The following FTCDNL1 variants were observed in gnomAD, a reference collection of about 807,000 sequenced individuals.
FTCDNL1 encodes formiminotransferase N-terminal subdomain-containing protein.
In FTCDNL1, 11 loss-of-function variants were observed where a neutral mutation model predicts 5.9. That is an observed-to-expected ratio of 1.87 (90% CI 1.18 to 3.10). The LOEUF (loss-of-function observed/expected upper bound fraction) is 3.10. FTCDNL1 is among the 30% of genes most tolerant of loss of function. The pLI is 0.00. For missense variants in FTCDNL1, 115 were observed against 65.5 expected, an observed-to-expected ratio of 1.76 and a Z score of -2.61; for synonymous variants, 58 against 24.8, an observed-to-expected ratio of 2.34 and a Z score of -3.99.
the FTCDNL1 span, among the ~76,000 whole-genome samples, chr2:199,729,535 A>G: frequency 6.6e-6 from 1 of 152,234 alleles, no homozygotes; most frequent in Non-Finnish European, 1.5e-5. Context: ...TGCAAAAATC[A>G]CAAGCATTTC....
the FTCDNL1 span, among the ~76,000 whole-genome samples, chr2:199,726,310 C>T: frequency 6.6e-6 from 1 of 152,152 alleles, no homozygotes; most frequent in Non-Finnish European, 1.5e-5. Flanking sequence ...TCATTCTTAG[C>T]TTCTTTGCAT....
intron 3 of FTCDNL1, among the ~76,000 whole-genome samples, chr2:199,845,472 G>A (rs146091426): frequency 6.6e-6 from 1 of 152,156 alleles, no homozygotes; most frequent in East Asian, 1.9e-4. Context: ...AAAGGAGGCT[G>A]AAGCATGGGA....
chr2:199,821,274 C>A (rs1414276236), intron 3 of FTCDNL1, among the ~76,000 whole-genome samples: 1 of 150,278 alleles, frequency 6.7e-6, no homozygotes, highest in African/African-American at 2.5e-5. Flanking sequence ...CTCAGCCCAC[C>A]ATGTAGCTTG....
At chr2:199,670,539 C>CTCTTTTTTGTA in the FTCDNL1 span, among the ~76,000 whole-genome samples, 3 of 152,274 alleles carry the variant, frequency 2.0e-5, no homozygotes, top group Non-Finnish European at 4.4e-5. Context: ...AGGTCTTTCT[C>CTCTTTTTTGTA]TCTTTTTTGT....
chr2:199,710,141 T>G, the FTCDNL1 span, among the ~76,000 whole-genome samples: 18,141 of 152,214 alleles, frequency 0.12, 1,469 homozygotes, highest in Middle Eastern at 0.25. Flanking sequence ...GCCTTCTTGT[T>G]TCAGCTCTGA....
At chr2:199,711,994 T>C in the FTCDNL1 span, among the ~76,000 whole-genome samples, 3,523 of 152,230 alleles carry the variant, frequency 0.023, 142 homozygotes, top group African/African-American at 0.079. Context: ...GACAGTAAGA[T>C]GCCCAATGAT....
At chr2:199,798,497 A>G (rs1444383053) in intron 3 of FTCDNL1, among the ~76,000 whole-genome samples, 2 of 152,240 alleles carry the variant, frequency 1.3e-5, no homozygotes, top group Non-Finnish European at 2.9e-5. Flanking sequence ...CTACGTCCTC[A>G]GAGCAATTTT....
rs916060075 is a variant in FTCDNL1, at chr2:199,781,756, TG to T, written c.212-20922del. 3.3e-4 allele frequency among the ~76,000 whole-genome samples: 46 copies of T among 140,028 alleles called. 1 individual carries two copies. Among genetic ancestry groups the T allele is most frequent in the African/African-American group, 1.0e-3 (40 of 39,748 alleles). The allele number at this position is 140,028 out of a possible 152,430, so 91.9% of individuals were successfully genotyped here. ...GTCACATACCATGTTTGTGAGGTATTGTTTTTTTTTCTTGTTTTTTGTTTGT... is the reference window on the plus strand; with the variant it reads ...GTCACATACCATGTTTGTGAGGTATTTTTTTTTTTCTTGTTTTTTGTTTGT... On this transcript the variant is annotated intron_variant, in intron 3 of 3. Coordinates refer to the FTCDNL1 transcript ENST00000416668.
intron 3 of FTCDNL1, among the ~76,000 whole-genome samples, chr2:199,775,101 T>C (rs796237090): frequency 1.2e-4 from 18 of 152,318 alleles, no homozygotes; most frequent in African/African-American, 3.8e-4. Flanking sequence ...AGTTTCCATA[T>C]TGCCAGCTGG....
rs994551879 is a variant in FTCDNL1, at chr2:199,812,415, C to G, written c.*290G>C. The G allele has an allele frequency of 5.8e-6, 2 of 343,238 alleles. No individual in the cohort carries two copies. Among genetic ancestry groups the G allele is most frequent in the African/African-American group, 4.2e-5 (2 of 47,300 alleles). 21.3% of individuals were successfully genotyped at this position (343,238 alleles called of 1,614,324 possible). A position where few individuals can be genotyped will look rare whatever the true frequency, so the allele number is the denominator to read the frequency against. On this transcript the variant is annotated 3_prime_UTR_variant, in exon 5 of 5. Coordinates refer to ENST00000420128, the MANE Select transcript of FTCDNL1 (RefSeq NM_001363886.2). ...GTTTAAATCCAGCAGTCCCATTGAC[C>G]TTATTTAAATGCTGAATTTGATTTT...
At chr2:199,817,514 C>T (rs1701420158) in intron 4 of FTCDNL1, among the ~76,000 whole-genome samples, 1 of 151,962 alleles carries the variant, frequency 6.6e-6, no homozygotes, top group South Asian at 2.1e-4. Context: ...GGGCCAGGCA[C>T]GGGGGGTCAC....
rs573344832 is a variant in FTCDNL1, at chr2:199,774,094, C to T, written c.212-13259G>A. On this transcript the variant is annotated intron_variant, in intron 3 of 3. Transcript: ENST00000416668. ...TTCTTGAATGTACTCATCCTTGGGG[C>T]CTTTTGGTCCTTTTCTACCATCTTC... Among the ~76,000 whole-genome samples the T allele has an allele frequency of 5.3e-5, 8 of 152,292 alleles. No homozygotes were observed. The South Asian group carries it at 1.7e-3, about 32-fold the overall frequency.
intron 3 of FTCDNL1, chr2:199,844,284 CG>C: frequency 2.4e-6 from 1 of 422,254 alleles, no homozygotes; most frequent in South Asian, 6.8e-5. Context: ...CAACTTTTCC[CG>C]GGGGCTGAGG....
chr2:199,714,074 G>C, the FTCDNL1 span, among the ~76,000 whole-genome samples: 1 of 152,212 alleles, frequency 6.6e-6, no homozygotes, highest in Admixed American at 6.5e-5. Flanking sequence ...GCTTTCAAAA[G>C]TCTGAAGGAA....
At chr2:199,735,115 G>GAAAAAA in the FTCDNL1 span, among the ~76,000 whole-genome samples, 9,158 of 81,294 alleles carry the variant, frequency 0.11, 528 homozygotes, top group South Asian at 0.24. Context: ...ACTACCTTTA[G>GAAAAAA]AAAAAAAAAA....
chr2:199,719,179 T>C, the FTCDNL1 span, among the ~76,000 whole-genome samples: 4 of 152,166 alleles, frequency 2.6e-5, no homozygotes, highest in Admixed American at 1.3e-4. Flanking sequence ...TCAGGTCTTA[T>C]GTTTAAGTCT....
the FTCDNL1 span, among the ~76,000 whole-genome samples, chr2:199,718,297 T>A: frequency 6.6e-6 from 1 of 152,186 alleles, no homozygotes; most frequent in African/African-American, 2.4e-5. Context: ...TACCTTCTAC[T>A]ATTTGACTTT....
At chr2:199,754,985 A>T in the FTCDNL1 span, among the ~76,000 whole-genome samples, 1 of 152,192 alleles carries the variant, frequency 6.6e-6, no homozygotes, top group African/African-American at 2.4e-5. Context: ...AAACTGTGAA[A>T]TCCATCATAT....
At chr2:199,773,852 T>C (rs142635055) in intron 3 of FTCDNL1, among the ~76,000 whole-genome samples, 66 of 152,338 alleles carry the variant, frequency 4.3e-4, no homozygotes, top group African/African-American at 1.5e-3. Context: ...CTGGCCTTTA[T>C]GATTTCAGGA....
Sources: allele counts gnomAD v4.1 joint callset (sites outside exome capture counted in the v4.1 genomes callset), GRCh38; gene constraint gnomAD v4.1.1; transcripts MANE v1.5; gene names NCBI Gene and HGNC (gene_info 2026-07-23, HGNC 2026-07-21).